Variants in PLPPR1 observed in about 807,000 individuals in gnomAD.
PLPPR1 encodes phospholipid phosphatase related 1.
Under a neutral mutation model 33.1 loss-of-function variants are expected in PLPPR1, and 10 were observed. The observed-to-expected ratio is 0.30, with a 90% CI of 0.19 to 0.51. The LOEUF (loss-of-function observed/expected upper bound fraction) is 0.51. Among genes scored for constraint, PLPPR1 ranks in the 20% least tolerant of loss-of-function variants. The pLI, the probability that PLPPR1 is intolerant of heterozygous loss-of-function variation, is 0.97. For synonymous variants in PLPPR1, 151 were observed against 151.0 expected (o/e 1.00, Z 0.00); for missense variants, 304 against 408.1 (o/e 0.74, Z 2.20).
intron 3 of PLPPR1, among the ~76,000 whole-genome samples, chr9:101,276,208 A>G (rs1828188664): frequency 6.6e-6 from 1 of 152,056 alleles, no homozygotes; most frequent in Non-Finnish European, 1.5e-5. Flanking sequence ...CCTTTTGTAC[A>G]TTATCACATG....
intron 7 of PLPPR1, 105 bp from the exon 8 acceptor site, chr9:101,323,920 G>C (rs1829203311): frequency 1.1e-6 from 1 of 876,102 alleles, no homozygotes; most frequent in East Asian, 2.5e-5. Context: ...GGAACAGCCT[G>C]TGTACCCTTG....
chr9:101,123,714 G>A (rs940557227), intron 1 of PLPPR1, among the ~76,000 whole-genome samples: 1 of 152,174 alleles, frequency 6.6e-6, no homozygotes. Flanking sequence ...AGATAATGGA[G>A]AGCAAGTTCT....
In PLPPR1 at chr9:101,324,331, G is replaced by A; in HGVS notation, c.*274G>A. 3.0e-6 allele frequency: 1 copy of A among 332,166 alleles called. No individual in the cohort carries two copies. The highest frequency in any genetic ancestry group is 5.4e-6 in the Non-Finnish European group (1 of 185,230). 20.6% of individuals were successfully genotyped at this position (332,166 alleles called of 1,614,324 possible). On this transcript the variant is annotated 3_prime_UTR_variant, in exon 8 of 8. Coordinates refer to ENST00000374874, the MANE Select transcript of PLPPR1 (RefSeq NM_207299.2). ...CATTGAAGAACCACATTTATTCAATGGTTGACGTTGTTTTGTGATATTTGT... is the reference window on the plus strand; with the variant it reads ...CATTGAAGAACCACATTTATTCAATAGTTGACGTTGTTTTGTGATATTTGT...
Position 101,324,601 on chromosome 9 carries a change from GAT to G in PLPPR1, c.*549_*550del, listed in dbSNP as rs1829219980. 6.6e-6 allele frequency: 1 copy of G among 152,374 alleles called. No homozygotes were observed. Among genetic ancestry groups the G allele is most frequent in the Non-Finnish European group, 1.5e-5 (1 of 68,176 alleles). 9.4% of individuals were successfully genotyped at this position (152,374 alleles called of 1,614,324 possible). A position where few individuals can be genotyped will look rare whatever the true frequency, so the allele number is the denominator to read the frequency against. On this transcript the variant is annotated 3_prime_UTR_variant, in exon 8 of 8. Coordinates refer to ENST00000374874, the MANE Select transcript of PLPPR1 (RefSeq NM_207299.2). ...AATTGTTACGTTCAAAGTTTAAAGTGATATATTAACAAAGTCACCTAGTTATA... is the reference window on the plus strand; with the variant it reads ...AATTGTTACGTTCAAAGTTTAAAGTGATATTAACAAAGTCACCTAGTTATA...
In PLPPR1 at chr9:101,259,827, T is replaced by G. The variant is rs1334973547; in HGVS notation, c.64-10053T>G. ...GGTAGATAAGAGACAAATGGTTGCA[T>G]TCTTTTGAGTTTCTGGTTAGCCTTT... On this transcript the variant is annotated intron_variant, in intron 2 of 7. Transcript: ENST00000374874. Among the ~76,000 whole-genome samples the G allele has an allele frequency of 3.3e-5, 5 of 152,138 alleles. No homozygotes were observed. The East Asian group carries it at 9.6e-4, about 29-fold the overall frequency.
chr9:101,128,573 T>G (rs2118607526), intron 1 of PLPPR1, among the ~76,000 whole-genome samples: 1 of 152,270 alleles, frequency 6.6e-6, no homozygotes, highest in African/African-American at 2.4e-5. Flanking sequence ...CTCAGCCGAG[T>G]GCAGGTTTAA....
At chr9:101,296,276 A>G (rs1179569570) in intron 4 of PLPPR1, among the ~76,000 whole-genome samples, 3 of 151,752 alleles carry the variant, frequency 2.0e-5, no homozygotes, top group Non-Finnish European at 4.4e-5. Flanking sequence ...TTAGAATGGC[A>G]ATCATTAAAA....
intron 4 of PLPPR1, among the ~76,000 whole-genome samples, chr9:101,305,523 C>T (rs534318507): frequency 3.9e-5 from 6 of 152,088 alleles, no homozygotes; most frequent in African/African-American, 7.2e-5. Flanking sequence ...TCAGACTTTC[C>T]GGGCCTAAAA....
At chr9:101,155,525 C>T (rs1477872604) in intron 1 of PLPPR1, among the ~76,000 whole-genome samples, 2 of 152,190 alleles carry the variant, frequency 1.3e-5, no homozygotes, top group African/African-American at 4.8e-5. Context: ...GCAGAGCCCC[C>T]ATGACCTAAT....
At chr9:101,254,208 C>T (rs1827760369) in intron 2 of PLPPR1, among the ~76,000 whole-genome samples, 1 of 151,632 alleles carries the variant, frequency 6.6e-6, no homozygotes, top group African/African-American at 2.4e-5. Context: ...AATTATACAA[C>T]TCACCATACG....
intron 1 of PLPPR1, among the ~76,000 whole-genome samples, chr9:101,140,133 C>T (rs565102548): frequency 6.6e-6 from 1 of 152,316 alleles, no homozygotes; most frequent in South Asian, 2.1e-4. Context: ...CTTCCCTATC[C>T]ACCTACATCC....
At chr9:101,317,202 A>G (rs1464234272) in intron 6 of PLPPR1, among the ~76,000 whole-genome samples, 163 bp from the exon 7 acceptor site, 1 of 152,172 alleles carries the variant, frequency 6.6e-6, no homozygotes, top group Non-Finnish European at 1.5e-5. Flanking sequence ...CTGGTGATTA[A>G]ACAGACGTTT....
intron 1 of PLPPR1, among the ~76,000 whole-genome samples, chr9:101,164,225 G>A (rs905251693): frequency 6.6e-6 from 1 of 152,142 alleles, no homozygotes; most frequent in Non-Finnish European, 1.5e-5. Context: ...TCAGCTGTGT[G>A]AACCTGGGCA....
chr9:101,252,708 G>C (rs1477236597), intron 2 of PLPPR1, among the ~76,000 whole-genome samples: 1 of 152,054 alleles, frequency 6.6e-6, no homozygotes, highest in Admixed American at 6.6e-5. Context: ...CATGGAGAAA[G>C]AAGAATCATG....
At chr9:101,164,933 AG>A (rs1284808654) in intron 1 of PLPPR1, among the ~76,000 whole-genome samples, 1 of 151,740 alleles carries the variant, frequency 6.6e-6, no homozygotes, top group Non-Finnish European at 1.5e-5. Context: ...ATGAGAGGGG[AG>A]GGGGTTGGAG....
intron 2 of PLPPR1, among the ~76,000 whole-genome samples, chr9:101,259,721 A>G (rs1827862862): frequency 6.6e-6 from 1 of 152,200 alleles, no homozygotes; most frequent in African/African-American, 2.4e-5. Context: ...ATGAGACATC[A>G]ATTAATATAT....
At position 101,081,339 on chromosome 9, in the gene PLPPR1, C is replaced by T. The variant is rs148420639; in HGVS notation, c.-46+52237C>T. On this transcript the variant is annotated intron_variant, in intron 1 of 7. Transcript: ENST00000374874. ...GGTTCAAGCAATTCTCTGTCTCAAA[C>T]GCCTGCCACCACGCCCAGCTAATTT... Among the ~76,000 whole-genome samples the T allele has an allele frequency of 4.8e-3, 731 of 152,206 alleles. 6 individuals carry two copies. Among genetic ancestry groups the T allele is most frequent in the African/African-American group, 0.017 (699 of 41,524 alleles).
chr9:101,087,734 G>T (rs975575316), intron 1 of PLPPR1, among the ~76,000 whole-genome samples: 3 of 152,186 alleles, frequency 2.0e-5, no homozygotes, highest in Non-Finnish European at 2.9e-5. Flanking sequence ...TAGATTATCT[G>T]GGAAGTGGGA....
chr9:101,316,548 C>T (rs557733422), intron 6 of PLPPR1, among the ~76,000 whole-genome samples: 3 of 146,246 alleles, frequency 2.1e-5, no homozygotes, highest in South Asian at 2.1e-4. Flanking sequence ...AGGAAAGATT[C>T]GAACATGCTG....
Sources: allele counts gnomAD v4.1 joint callset (sites outside exome capture counted in the v4.1 genomes callset), GRCh38; gene constraint gnomAD v4.1.1; transcripts MANE v1.5; gene names NCBI Gene and HGNC (gene_info 2026-07-23, HGNC 2026-07-21).